The following DRGX variants were observed in gnomAD, a reference collection of about 807,000 sequenced individuals.
DRGX encodes dorsal root ganglia homeobox.
DRGX carries 21 observed loss-of-function variants against 28.6 expected under a neutral mutation model. The observed-to-expected ratio is 0.73, with a 90% CI of 0.52 to 1.06. DRGX has a LOEUF of 1.06. DRGX is among the 50% of genes least tolerant of loss of function. The pLI is 0.00. For synonymous variants in DRGX, 136 were observed against 139.1 expected (o/e 0.98, Z 0.16); for missense variants, 354 against 343.9 (o/e 1.03, Z -0.23).
chr10:49,385,308 T>A (rs1366836004), intron 6 of DRGX, among the ~76,000 whole-genome samples: 1 of 152,134 alleles, frequency 6.6e-6, no homozygotes, highest in African/African-American at 2.4e-5. Context: ...AGCCCCAGGC[T>A]AAAAGGGCTC....
chr10:49,371,066 C>A (rs751623647), intron 6 of DRGX, among the ~76,000 whole-genome samples: 1 of 152,202 alleles, frequency 6.6e-6, no homozygotes, highest in Non-Finnish European at 1.5e-5. Context: ...CACATGTTAA[C>A]TTAAATTGTC....
rs774233767 is a variant in DRGX, at chr10:49,386,686, T to G, written c.407A>C (p.Gln136Pro). 8 of 1,578,502 alleles carry G rather than the reference T, an allele frequency of 5.1e-6. No homozygotes were observed. The Admixed American group carries it at 5.4e-5, about 11-fold the overall frequency. The part of the protein sequence containing the change: ...ARSKKEALEA[Q>P]QSLGRTVGPA... ...CAGAGACCCACAGCCTCACCTCTGC[T>G]GGGCCTCCAGCGCCTCCTTCTTACT... Residue 136 changes from glutamine (Q) to proline (P), a missense_variant, in exon 5 of 7, where the codon CAG becomes CCG. Gln to Pro is a moderately conservative substitution (Grantham distance 76). Transcript: ENST00000374139.
intron 6 of DRGX, among the ~76,000 whole-genome samples, chr10:49,383,074 G>T (rs763531436): frequency 1.3e-5 from 2 of 152,128 alleles, no homozygotes; most frequent in Non-Finnish European, 2.9e-5. Context: ...CTCCAAGGCA[G>T]CCCCAGGGAC....
chr10:49,389,992 T>G (rs1257578425), intron 4 of DRGX, 141 bp downstream of exon 4: 3 of 681,752 alleles, frequency 4.4e-6, no homozygotes, highest in African/African-American at 3.6e-5. Flanking sequence ...ATTATGTTGA[T>G]GTTATTAAAG....
At chr10:49,394,951 G>A (rs7074999) in intron 2 of DRGX, among the ~76,000 whole-genome samples, 15,062 of 152,290 alleles carry the variant, frequency 0.099, 959 homozygotes, top group Admixed American at 0.14. Context: ...TCTCGCCAGC[G>A]GCCCCAGTGA....
chr10:49,386,393 G>T lies in DRGX; in HGVS notation c.526+85C>A, dbSNP rs544456922. 2.0e-4 allele frequency: 254 copies of T among 1,254,248 alleles called. 3 individuals are homozygous for T. In the South Asian group the frequency reaches 3.9e-3, roughly 19 times the overall value. 77.7% of individuals were successfully genotyped at this position (1,254,248 alleles called of 1,614,324 possible). A position where few individuals can be genotyped will look rare whatever the true frequency, so the allele number is the denominator to read the frequency against. ...GCTGCACAGGCCCAGGTGCAAGGACGGCCGAGCCAAGACCCAGGCCGGTCA... is the reference window on the plus strand; with the variant it reads ...GCTGCACAGGCCCAGGTGCAAGGACTGCCGAGCCAAGACCCAGGCCGGTCA... On this transcript the variant is annotated intron_variant, in intron 6 of 6. Coordinates refer to ENST00000374139, the MANE Select transcript of DRGX (RefSeq NM_001276451.2).
chr10:49,368,839 A>G (rs1198772699), intron 6 of DRGX, among the ~76,000 whole-genome samples: 1 of 152,256 alleles, frequency 6.6e-6, no homozygotes, highest in Non-Finnish European at 1.5e-5. Flanking sequence ...TGTTAATTTT[A>G]AATGAATGTT....
At chr10:49,374,472 C>T (rs1263744052) in intron 6 of DRGX, among the ~76,000 whole-genome samples, 1 of 152,202 alleles carries the variant, frequency 6.6e-6, no homozygotes, top group African/African-American at 2.4e-5. Context: ...CCCTGGCAGG[C>T]TTGTGCCATC....
In DRGX at chr10:49,390,233, A is replaced by T; in HGVS notation, c.134T>A (p.Leu45Gln). The change falls in exon 4 of 7, where the codon CTG (leucine) becomes CAG (glutamine). Residue 45 changes from leucine to glutamine, a missense_variant and splice_region_variant. By Grantham distance (113) the Leu-to-Gln change is moderately radical. Transcript: ENST00000374139. Reference protein sequence around the residue: ...RNRTTFTLQQLEALEAVFAQT... With the variant: ...RNRTTFTLQQQEALEAVFAQT... ...GGCAAAAACGGCCTCGAGAGCTTCC[A>T]GCTGGTAAAAGGAAAAAATATGTAC... is the stretch of plus-strand genomic sequence containing the variant. 1.2e-6 allele frequency: 2 copies of T among 1,606,910 alleles called. No homozygotes were observed. The highest frequency in any genetic ancestry group is 1.7e-6 in the Non-Finnish European group (2 of 1,176,454).
intron 4 of DRGX, among the ~76,000 whole-genome samples, chr10:49,389,795 G>A (rs1200391450): frequency 1.3e-5 from 2 of 151,830 alleles, no homozygotes; most frequent in African/African-American, 4.8e-5. Context: ...AGAGCGGTCA[G>A]AGCTGCTTTT....
chr10:49,385,775 C>T (rs1324825784), intron 6 of DRGX, among the ~76,000 whole-genome samples: 1 of 152,014 alleles, frequency 6.6e-6, no homozygotes, highest in African/African-American at 2.4e-5. Context: ...AGCCCCCTAA[C>T]ACTCACTCCC....
intron 6 of DRGX, among the ~76,000 whole-genome samples, chr10:49,385,807 G>T (rs1195231941): frequency 2.0e-5 from 3 of 152,024 alleles, no homozygotes; most frequent in Admixed American, 2.0e-4. Context: ...CTGGGGCCCA[G>T]CTCTGTTCCT....
chr10:49,380,620 A>G (rs530221344), intron 6 of DRGX, among the ~76,000 whole-genome samples: 1 of 152,306 alleles, frequency 6.6e-6, no homozygotes, highest in East Asian at 1.9e-4. Flanking sequence ...TGGCCATCCC[A>G]GAGGACAAAA....
intron 6 of DRGX, among the ~76,000 whole-genome samples, chr10:49,379,596 A>G (rs1849752544): frequency 6.6e-6 from 1 of 152,216 alleles, no homozygotes; most frequent in Non-Finnish European, 1.5e-5. Flanking sequence ...TGGACACTTC[A>G]GCCTGGCCTG....
chr10:49,369,736 T>C (rs1310308164), intron 6 of DRGX, among the ~76,000 whole-genome samples: 1 of 152,136 alleles, frequency 6.6e-6, no homozygotes, highest in East Asian at 1.9e-4. Flanking sequence ...GTAAATTTTA[T>C]GTTACGCATG....
intron 6 of DRGX, among the ~76,000 whole-genome samples, chr10:49,371,277 G>A (rs779848811): frequency 1.3e-5 from 2 of 152,114 alleles, no homozygotes; most frequent in African/African-American, 2.4e-5. Context: ...CATCCTCTGG[G>A]GTTCCCAGGG....
At chr10:49,386,045 G>A (rs754439789) in intron 6 of DRGX, among the ~76,000 whole-genome samples, 30 of 151,896 alleles carry the variant, frequency 2.0e-4, no homozygotes, top group Admixed American at 7.2e-4. Flanking sequence ...AAATCCTAAC[G>A]GCTCAGACCT....
intron 6 of DRGX, among the ~76,000 whole-genome samples, chr10:49,367,792 G>T (rs1436552851): frequency 6.6e-6 from 1 of 152,258 alleles, no homozygotes; most frequent in African/African-American, 2.4e-5. Context: ...TCCTCAGGCT[G>T]CAAGTGAGCT....
At chr10:49,394,161 C>T (rs1414323335) in intron 2 of DRGX, among the ~76,000 whole-genome samples, 2 of 152,182 alleles carry the variant, frequency 1.3e-5, no homozygotes, top group Non-Finnish European at 2.9e-5. Flanking sequence ...ATGTGAAATG[C>T]AGGCAAATGT....
Sources: allele counts gnomAD v4.1 joint callset (sites outside exome capture counted in the v4.1 genomes callset), GRCh38; gene constraint gnomAD v4.1.1; transcripts MANE v1.5; gene names NCBI Gene and HGNC (gene_info 2026-07-23, HGNC 2026-07-21).